The following CEP78 variants were observed in gnomAD, a reference collection of about 807,000 sequenced individuals.
CEP78 encodes centrosomal protein of 78 kDa.
CEP78 carries 76 observed loss-of-function variants against 81.2 expected under a neutral mutation model. The ratio of observed to expected loss-of-function variants is 0.94; its 90% confidence interval spans 0.78 to 1.13. The LOEUF (loss-of-function observed/expected upper bound fraction) is 1.13. Among genes scored for constraint, CEP78 ranks in the 50% most tolerant of loss-of-function variants. The pLI, the probability that CEP78 is intolerant of heterozygous loss-of-function variation, is 0.00. For synonymous variants in CEP78, 293 were observed against 301.4 expected (o/e 0.97, Z 0.29); for missense variants, 918 against 846.8 (o/e 1.08, Z -1.04).
intron 9 of CEP78, among the ~76,000 whole-genome samples, chr9:78,252,886 T>C (rs1005749826): frequency 6.6e-6 from 1 of 152,250 alleles, no homozygotes; most frequent in African/African-American, 2.4e-5. Flanking sequence ...CTTCACAGTT[T>C]CATATCTTCT....
At chr9:78,259,901 T>G (rs1389391837) in intron 11 of CEP78, among the ~76,000 whole-genome samples, 4 of 152,240 alleles carry the variant, frequency 2.6e-5, no homozygotes, top group Admixed American at 2.6e-4. Context: ...GACAGTAACC[T>G]TTTATCTATT....
At chr9:78,243,351 T>C in intron 4 of CEP78, 111 bp from the exon 5 acceptor site, 1 of 819,644 alleles carries the variant, frequency 1.2e-6, no homozygotes, top group Middle Eastern at 2.5e-4. Flanking sequence ...ACCTGGCATA[T>C]GTACCTGGTG....
At chr9:78,255,124 G>T (rs1303496266) in intron 11 of CEP78, among the ~76,000 whole-genome samples, 160 bp downstream of exon 11, 1 of 152,090 alleles carries the variant, frequency 6.6e-6, no homozygotes, top group East Asian at 1.9e-4. Flanking sequence ...TTAGAACAAG[G>T]TAAAAGGGAG....
chr9:78,270,907 T>G lies in CEP78; in HGVS notation c.*56T>G. The G allele has an allele frequency of 6.1e-6, 4 of 655,428 alleles. No individual in the cohort carries two copies. The highest frequency in any genetic ancestry group is 2.8e-5 in the East Asian group (1 of 35,436). 40.6% of individuals were successfully genotyped at this position (655,428 alleles called of 1,614,324 possible). ...ATAGCAGAGTTGGAAAACCAGAAAT[T>G]TGAACAGTGAAATTTCTGGAAGATA... On this transcript the variant is annotated 3_prime_UTR_variant, in exon 17 of 17. Coordinates refer to ENST00000643273, the MANE Select transcript of CEP78 (RefSeq NM_001330691.3).
intron 13 of CEP78, 110 bp downstream of exon 13, chr9:78,264,426 TATA>T: frequency 1.3e-6 from 1 of 757,646 alleles, no homozygotes; most frequent in Non-Finnish European, 2.1e-6. Context: ...ACTGTGTAAT[TATA>T]AGTAATACAC....
At chr9:78,264,410 A>G (rs1438048636) in intron 13 of CEP78, 94 bp downstream of exon 13, 1 of 934,480 alleles carries the variant, frequency 1.1e-6, no homozygotes, top group Admixed American at 2.4e-5. Flanking sequence ...TTCTGAAGTC[A>G]TATTTACTGT....
chr9:78,250,406 A>G (rs932497597), intron 8 of CEP78: 3 of 391,050 alleles, frequency 7.7e-6, no homozygotes, highest in Admixed American at 4.4e-5. Context: ...AATTTTTTTC[A>G]TCTAACAAGA....
chr9:78,256,162 C>T (rs555795676), intron 11 of CEP78, among the ~76,000 whole-genome samples: 67 of 152,300 alleles, frequency 4.4e-4, no homozygotes, highest in African/African-American at 1.5e-3. Flanking sequence ...GGAAAACCAT[C>T]GCCTAGAATA....
intron 5 of CEP78, among the ~76,000 whole-genome samples, chr9:78,244,834 G>A (rs1042466577): frequency 5.3e-5 from 8 of 152,114 alleles, no homozygotes; most frequent in African/African-American, 1.9e-4. Flanking sequence ...ACTTTGATAC[G>A]TGTTGTTGCC....
At chr9:78,265,156 A>G (rs1827459137) in intron 13 of CEP78, among the ~76,000 whole-genome samples, 1 of 152,220 alleles carries the variant, frequency 6.6e-6, no homozygotes, top group Admixed American at 6.5e-5. Flanking sequence ...GGGAAGAGAC[A>G]GTGCTTAAAG....
At chr9:78,268,109 AG>A (rs1827607289) in intron 16 of CEP78, among the ~76,000 whole-genome samples, 1 of 152,088 alleles carries the variant, frequency 6.6e-6, no homozygotes, top group Non-Finnish European at 1.5e-5. Context: ...GAGTTTAGTC[AG>A]TGTGGGGAAA....
chr9:78,236,730 G>A lies in CEP78; in HGVS notation c.253+127G>A. Reference sequence around the variant, plus strand: ...TGCGGCCTGGACACTCACGAGCTAGGTGAGTGGCTTAAGGTCTCTAGGGCT... The same window carrying A: ...TGCGGCCTGGACACTCACGAGCTAGATGAGTGGCTTAAGGTCTCTAGGGCT... On this transcript the variant is annotated intron_variant, in intron 1 of 16. Transcript: ENST00000643273. 8 of 1,289,936 alleles carry A rather than the reference G, an allele frequency of 6.2e-6. No individual in the cohort carries two copies. In the South Asian group the frequency reaches 1.3e-4, roughly 21 times the overall value. The allele number at this position is 1,289,936 out of a possible 1,614,324, so 79.9% of individuals were successfully genotyped here.
At chr9:78,261,108 AC>A (rs1827254694) in intron 11 of CEP78, among the ~76,000 whole-genome samples, 1 of 151,744 alleles carries the variant, frequency 6.6e-6, no homozygotes, top group African/African-American at 2.4e-5. Context: ...GCACCACCAC[AC>A]CCAGCTAATT....
intron 11 of CEP78, among the ~76,000 whole-genome samples, chr9:78,258,540 T>C (rs1411014482): frequency 6.6e-6 from 1 of 152,184 alleles, no homozygotes; most frequent in East Asian, 1.9e-4. Context: ...CTAATGGTGA[T>C]AACAACTTTA....
chr9:78,238,634 C>T (rs897284364), intron 1 of CEP78, among the ~76,000 whole-genome samples: 49 of 152,304 alleles, frequency 3.2e-4, no homozygotes, highest in African/African-American at 1.2e-3. Context: ...CTGGGGTTAG[C>T]ACCATCTCTT....
chr9:78,256,882 G>A (rs74621577), intron 11 of CEP78, among the ~76,000 whole-genome samples: 2,855 of 152,254 alleles, frequency 0.019, 37 homozygotes, highest in Middle Eastern at 0.13. Context: ...GAAATAGGGT[G>A]TTGTTTAAAA....
intron 1 of CEP78, among the ~76,000 whole-genome samples, chr9:78,239,220 T>G (rs896082658): frequency 6.6e-6 from 1 of 152,208 alleles, no homozygotes; most frequent in Non-Finnish European, 1.5e-5. Flanking sequence ...TGCTTGTCCA[T>G]CCTTAATTAC....
At chr9:78,239,577 C>T (rs1227268292) in intron 1 of CEP78, among the ~76,000 whole-genome samples, 1 of 152,186 alleles carries the variant, frequency 6.6e-6, no homozygotes, top group East Asian at 1.9e-4. Flanking sequence ...ATCCTCATCA[C>T]CTGTGAGGTA....
In CEP78 at chr9:78,241,686, T is replaced by C. The variant is rs78373498; in HGVS notation, c.500-10T>C. On this transcript the variant is annotated splice_polypyrimidine_tract_variant and intron_variant, in intron 3 of 16. Transcript: ENST00000643273. ...CATCTTATTGTATGTGGTTTTTTTTTCCATTTTAGTTATTTGTCAAGGTAT... is the reference window on the plus strand; with the variant it reads ...CATCTTATTGTATGTGGTTTTTTTTCCCATTTTAGTTATTTGTCAAGGTAT... 1.4e-6 allele frequency: 2 copies of C among 1,406,422 alleles called. No homozygotes were observed. Among genetic ancestry groups the C allele is most frequent in the Non-Finnish European group, 2.0e-6 (2 of 1,006,624 alleles). The allele number at this position is 1,406,422 out of a possible 1,614,324, so 87.1% of individuals were successfully genotyped here.
Sources: allele counts gnomAD v4.1 joint callset (sites outside exome capture counted in the v4.1 genomes callset), GRCh38; gene constraint gnomAD v4.1.1; transcripts MANE v1.5; gene names NCBI Gene and HGNC (gene_info 2026-07-23, HGNC 2026-07-21).